The following SLC35F4 variants were observed in gnomAD, a reference collection of about 807,000 sequenced individuals.
SLC35F4 encodes chromosome 14 open reading frame 36.
SLC35F4 carries 24 observed loss-of-function variants against 44.2 expected under a neutral mutation model. That is an observed-to-expected ratio of 0.54 (90% confidence interval 0.39 to 0.76). The LOEUF (loss-of-function observed/expected upper bound fraction) is 0.76. SLC35F4 is among the 30% of genes least tolerant of loss of function. The probability of loss-of-function intolerance (pLI) is 0.00; values close to 1 mark genes in which losing one functional copy is unlikely to be tolerated. For missense variants in SLC35F4, 562 were observed against 586.1 expected (o/e 0.96, Z 0.42); for synonymous variants, 238 against 223.6 (o/e 1.06, Z -0.57).
intron 1 of SLC35F4, among the ~76,000 whole-genome samples, chr14:57,949,183 T>A (rs1354758048): frequency 2.0e-5 from 3 of 152,182 alleles, no homozygotes; most frequent in African/African-American, 7.2e-5. Flanking sequence ...GGTTTAGTAG[T>A]CATTGTTTTA....
At chr14:57,799,707 C>T (rs939872656) in intron 1 of SLC35F4, among the ~76,000 whole-genome samples, 1 of 152,218 alleles carries the variant, frequency 6.6e-6, no homozygotes, top group Non-Finnish European at 1.5e-5. Context: ...ACGAGGAAGG[C>T]TCCCCCTCAA....
intron 1 of SLC35F4, among the ~76,000 whole-genome samples, chr14:57,839,420 T>C (rs552681177): frequency 7.9e-5 from 12 of 152,338 alleles, no homozygotes; most frequent in Admixed American, 5.2e-4. Flanking sequence ...AATGAGATCA[T>C]GACCTTTGCA....
intron 1 of SLC35F4, among the ~76,000 whole-genome samples, chr14:57,931,864 C>T (rs1452360266): frequency 6.6e-6 from 1 of 152,216 alleles, no homozygotes; most frequent in Non-Finnish European, 1.5e-5. Context: ...ATAACAAAGT[C>T]AGCATTAATA....
intron 1 of SLC35F4, among the ~76,000 whole-genome samples, chr14:57,814,973 G>A (rs1233878805): frequency 6.6e-6 from 1 of 152,124 alleles, no homozygotes; most frequent in East Asian, 1.9e-4. Context: ...AGCTCATGGG[G>A]CAAATCCAGC....
intron 1 of SLC35F4, among the ~76,000 whole-genome samples, chr14:57,820,442 C>G (rs1489566169): frequency 6.6e-6 from 1 of 151,968 alleles, no homozygotes; most frequent in Non-Finnish European, 1.5e-5. Flanking sequence ...AGAGCACAGA[C>G]AGCATGCCAC....
intron 1 of SLC35F4, among the ~76,000 whole-genome samples, chr14:57,713,840 GAC>G (rs1324338668): frequency 6.6e-6 from 1 of 152,114 alleles, no homozygotes; most frequent in African/African-American, 2.4e-5. Flanking sequence ...AATTCCTTCA[GAC>G]ACATGAAGAA....
At chr14:57,728,248 C>T (rs1398524517) in intron 1 of SLC35F4, among the ~76,000 whole-genome samples, 1 of 151,878 alleles carries the variant, frequency 6.6e-6, no homozygotes, top group African/African-American at 2.4e-5. Context: ...TCTTTTTCAT[C>T]CCTTTATTTT....
At chr14:57,859,095 G>A (rs1566910390) in intron 1 of SLC35F4, among the ~76,000 whole-genome samples, 1 of 152,036 alleles carries the variant, frequency 6.6e-6, no homozygotes, top group Non-Finnish European at 1.5e-5. Flanking sequence ...GACAGAGTAA[G>A]ACCCTATCTC....
chr14:57,964,987 A>ATATATATATATATATATATAT (rs1241968437), intron 1 of SLC35F4, among the ~76,000 whole-genome samples: 2 of 131,424 alleles, frequency 1.5e-5, no homozygotes, highest in African/African-American at 6.4e-5. Context: ...AAAAAAAAAA[A>ATATATATATATATATATATAT]AAAAATATAT....
At chr14:57,880,961 A>T (rs979011358) in intron 1 of SLC35F4, among the ~76,000 whole-genome samples, 2 of 152,256 alleles carry the variant, frequency 1.3e-5, no homozygotes, top group African/African-American at 4.8e-5. Flanking sequence ...AGATTTACAT[A>T]GGAAGTCAAA....
At chr14:57,580,618 T>A (rs1010172831) in intron 4 of SLC35F4, 8 of 237,036 alleles carry the variant, frequency 3.4e-5, no homozygotes. Flanking sequence ...AACTCAGAAC[T>A]GAAGTTGTTG....
At chr14:57,955,763 A>G (rs1011872063) in intron 1 of SLC35F4, among the ~76,000 whole-genome samples, 3 of 152,190 alleles carry the variant, frequency 2.0e-5, no homozygotes, top group African/African-American at 7.2e-5. Context: ...AAGAAGAACT[A>G]CAAACCACTG....
At chr14:57,815,385 A>G (rs1304105920) in intron 1 of SLC35F4, among the ~76,000 whole-genome samples, 1 of 152,218 alleles carries the variant, frequency 6.6e-6, no homozygotes, top group African/African-American at 2.4e-5. Flanking sequence ...GAAGTAGAAG[A>G]TATGGGTCTT....
At chr14:57,700,892 T>C (rs1321698903) in intron 1 of SLC35F4, among the ~76,000 whole-genome samples, 1 of 151,958 alleles carries the variant, frequency 6.6e-6, no homozygotes, top group African/African-American at 2.4e-5. Context: ...GGTGACAGAG[T>C]GAGACCCTGT....
intron 1 of SLC35F4, among the ~76,000 whole-genome samples, chr14:57,654,714 G>A (rs1453519539): frequency 6.6e-6 from 1 of 152,198 alleles, no homozygotes; most frequent in Non-Finnish European, 1.5e-5. Flanking sequence ...CACCAGCAAT[G>A]TAGCATAGTT....
chr14:57,745,207 G>A (rs2076723043), intron 1 of SLC35F4, among the ~76,000 whole-genome samples: 1 of 152,142 alleles, frequency 6.6e-6, no homozygotes, highest in African/African-American at 2.4e-5. Flanking sequence ...CAAAAGCAAT[G>A]GCAACAAAAG....
In SLC35F4 at chr14:57,907,084, T is replaced by C. The variant is rs8017747; in HGVS notation, n.282+74829A>G. Among the ~76,000 whole-genome samples, 3,426 of 152,262 alleles carry C rather than the reference T, an allele frequency of 0.023. 413 individuals carry two copies. The East Asian group carries it at 0.39, about 17-fold the overall frequency. On this transcript the variant is annotated intron_variant and non_coding_transcript_variant, in intron 1 of 1. Coordinates refer to the SLC35F4 transcript ENST00000556568. ...CCTTTATGGAATAATTTGCAAGATT[T>C]ATTTATTTGATTTTAGATATGGGAA...
chr14:57,640,347 TA>T (rs1359897083), intron 1 of SLC35F4, among the ~76,000 whole-genome samples: 1 of 151,956 alleles, frequency 6.6e-6, no homozygotes, highest in Non-Finnish European at 1.5e-5. Flanking sequence ...AAAAAAGAGA[TA>T]AAGAATTCCT....
intron 1 of SLC35F4, among the ~76,000 whole-genome samples, chr14:57,792,312 G>C (rs931015767): frequency 6.6e-6 from 1 of 152,086 alleles, no homozygotes; most frequent in Non-Finnish European, 1.5e-5. Flanking sequence ...CTGCTGGTAG[G>C]AATGTAAACT....
Sources: gnomAD v4.1 joint callset for allele counts (sites outside exome capture counted in the v4.1 genomes callset) on GRCh38, gnomAD v4.1.1 for gene constraint, MANE v1.5 for transcripts, NCBI Gene and HGNC (gene_info 2026-07-23, HGNC 2026-07-21) for gene names.